ALG6: variants seen among roughly 807,000 people sequenced by gnomAD.
The protein encoded by ALG6 is dolichyl pyrophosphate Man9GlcNAc2 alpha-1,3-glucosyltransferase.
In ALG6, 46 loss-of-function variants were observed where a neutral mutation model predicts 66.6. The ratio of observed to expected loss-of-function variants is 0.69; its 90% CI spans 0.55 to 0.88. The LOEUF is 0.88. Among genes scored for constraint, ALG6 ranks in the 40% least tolerant of loss-of-function variants. The probability of loss-of-function intolerance (pLI) is 0.00; values close to 1 mark genes in which losing one functional copy is unlikely to be tolerated. For synonymous variants in ALG6, 185 were observed against 203.7 expected (o/e 0.91, Z 0.78); for missense variants, 505 against 586.8 (o/e 0.86, Z 1.44).
At chr1:63,422,188 AATAT>A (rs1184558449) in intron 12 of ALG6, among the ~76,000 whole-genome samples, 1 of 126,384 alleles carries the variant, frequency 7.9e-6, no homozygotes, top group Non-Finnish European at 1.6e-5. Flanking sequence ...TATTTATATA[AATAT>A]ATATCTATAT....
chr1:63,409,700 A>G (rs1435303253), intron 7 of ALG6, among the ~76,000 whole-genome samples: 2 of 151,930 alleles, frequency 1.3e-5, no homozygotes, highest in Non-Finnish European at 2.9e-5. Flanking sequence ...TTTTCTATAA[A>G]TGTTTATTTT....
At chr1:63,428,865 TA>T in intron 13 of ALG6, 62 bp from the exon 14 acceptor site, 1 of 1,587,922 alleles carries the variant, frequency 6.3e-7, no homozygotes. Context: ...AAAACTTTTT[TA>T]TGAAGTGGTT....
chr1:63,398,595 C>G (rs1040656581), intron 3 of ALG6, among the ~76,000 whole-genome samples: 13 of 152,302 alleles, frequency 8.5e-5, no homozygotes, highest in Non-Finnish European at 1.9e-4. Context: ...GCCTTAGCTT[C>G]CCGAGTAGCT....
At position 63,414,146 on chromosome 1, in the gene ALG6, G is replaced by A. The variant is rs1644530727; in HGVS notation, c.902G>A (p.Ser301Asn). The A allele has an allele frequency of 1.3e-6, 2 of 1,594,162 alleles. No homozygotes were observed. Among genetic ancestry groups the A allele is most frequent in the East Asian group, 2.2e-5 (1 of 44,672 alleles). The stretch of plus-strand genomic sequence containing the variant: ...CCACGTCACATCCAATTAATAATGA[G>A]GTAAGAGAAACAAAGTTTGTATGTA... ...ILPRHIQLIM[S>N]FCSTFLSLLP... The change falls in exon 10 of 15, where the codon AGC becomes AAC. Residue 301 changes from serine to asparagine, a missense_variant and splice_region_variant. Physicochemically the swap from Ser to Asn is conservative, Grantham distance 46. Transcript: ENST00000263440.
At chr1:63,427,859 T>C (rs1644624881) in intron 12 of ALG6, among the ~76,000 whole-genome samples, 1 of 144,076 alleles carries the variant, frequency 6.9e-6, no homozygotes, top group Non-Finnish European at 1.5e-5. Flanking sequence ...CAGGCTGGAG[T>C]GCAGTGGTGT....
chr1:63,432,408 TTGA>T (rs1346362396), intron 14 of ALG6, among the ~76,000 whole-genome samples: 3 of 152,242 alleles, frequency 2.0e-5, no homozygotes, highest in African/African-American at 7.2e-5. Context: ...CAGTATTCTG[TTGA>T]TGATTTTTGC....
chr1:63,386,389 T>G (rs757717754), intron 2 of ALG6, among the ~76,000 whole-genome samples: 1 of 152,164 alleles, frequency 6.6e-6, no homozygotes, highest in African/African-American at 2.4e-5. Flanking sequence ...AGGACTGATA[T>G]TAGGATTTTT....
chr1:63,428,770 T>G lies in ALG6; in HGVS notation c.1096T>G (p.Ser366Ala). ...AGTTTTAAGTGAAATTCCTTTTATG[T>G]CTACTTGGTTTTTACTTGTGTCAAC... The part of the protein sequence containing the change: ...CLVLSEIPFM[S>A]TWFLLVSTFS... The change falls in exon 13 of 15, where the codon TCT (serine) becomes GCT (alanine). Residue 366 changes from serine (S) to alanine (A), a missense_variant. Physicochemically the swap from Ser to Ala is moderately conservative, Grantham distance 99. Transcript: ENST00000263440. 6.2e-7 allele frequency: 1 copy of G among 1,609,830 alleles called. No homozygotes were observed. The highest frequency in any genetic ancestry group is 8.5e-7 in the Non-Finnish European group (1 of 1,177,280).
intron 11 of ALG6, among the ~76,000 whole-genome samples, chr1:63,416,382 G>T (rs1344838900): frequency 6.6e-6 from 1 of 151,908 alleles, no homozygotes; most frequent in Non-Finnish European, 1.5e-5. Context: ...TGAAAGTGGG[G>T]CAAGGTTAGA....
At chr1:63,410,042 C>T (rs1644508751) in intron 7 of ALG6, among the ~76,000 whole-genome samples, 1 of 152,132 alleles carries the variant, frequency 6.6e-6, no homozygotes, top group Admixed American at 6.5e-5. Flanking sequence ...ACATACTACT[C>T]AAAGACTGTA....
chr1:63,401,375 A>C (rs986277491), intron 3 of ALG6, among the ~76,000 whole-genome samples: 4 of 152,132 alleles, frequency 2.6e-5, no homozygotes, highest in Admixed American at 6.6e-5. Flanking sequence ...ACCCATTTGA[A>C]ATAAGTTAGG....
chr1:63,375,408 G>C, intron 2 of ALG6, among the ~76,000 whole-genome samples: 1 of 142,178 alleles, frequency 7.0e-6, no homozygotes, highest in African/African-American at 2.7e-5. Flanking sequence ...ACCACCCCCG[G>C]CATTTTTTTT....
At chr1:63,396,828 G>C (rs961399235) in intron 3 of ALG6, among the ~76,000 whole-genome samples, 7 of 152,206 alleles carry the variant, frequency 4.6e-5, no homozygotes, top group Admixed American at 4.6e-4. Context: ...CTAGAACGTT[G>C]ATGATAAAAC....
chr1:63,416,559 G>A (rs2100425624), intron 11 of ALG6, among the ~76,000 whole-genome samples: 1 of 152,166 alleles, frequency 6.6e-6, no homozygotes, highest in Non-Finnish European at 1.5e-5. Flanking sequence ...TGAAAGATAA[G>A]GGTAAAAATT....
intron 2 of ALG6, among the ~76,000 whole-genome samples, chr1:63,380,068 A>G (rs1239262894): frequency 6.6e-6 from 1 of 152,078 alleles, no homozygotes; most frequent in Non-Finnish European, 1.5e-5. Flanking sequence ...TCATCTCCAG[A>G]GAGAAGGGAG....
At chr1:63,427,600 T>G (rs370396584) in intron 12 of ALG6, among the ~76,000 whole-genome samples, 2 of 152,010 alleles carry the variant, frequency 1.3e-5, no homozygotes, top group Admixed American at 6.6e-5. Flanking sequence ...CATTTCCACT[T>G]AAGAAAATAG....
Position 63,415,919 on chromosome 1 carries a change from A to G in ALG6, c.949A>G (p.Ile317Val), listed in dbSNP as rs760529916. Residue 317 changes from isoleucine (I) to valine (V), a missense_variant, in exon 11 of 15, where the codon ATA becomes GTA. Physicochemically the swap from Ile to Val is conservative, Grantham distance 29 (BLOSUM62 3). Coordinates refer to ENST00000263440, the MANE Select transcript of ALG6 (RefSeq NM_013339.4). ...LSLLPACIKLILQPSSKGFKF... is the reference protein window; with the variant it reads ...LSLLPACIKLVLQPSSKGFKF... The stretch of plus-strand genomic sequence containing the variant: ...CCTGCTTCCTGCATGCATAAAATTA[A>G]TACTTCAGCCCTCTTCCAAAGGATT... The G allele has an allele frequency of 1.9e-6, 3 of 1,612,276 alleles. No individual in the cohort carries two copies. Among genetic ancestry groups the G allele is most frequent in the Non-Finnish European group, 2.5e-6 (3 of 1,178,692 alleles).
intron 2 of ALG6, 114 bp from the exon 3 acceptor site, chr1:63,396,399 G>C: frequency 2.3e-6 from 2 of 885,132 alleles, no homozygotes; most frequent in South Asian, 2.8e-5. Context: ...TAACTCCTGT[G>C]TTCTTTCTGT....
At position 63,370,995 on chromosome 1, in the gene ALG6, G is replaced by C. The variant is rs1378885402; in HGVS notation, c.18G>C (p.Leu6Phe). 4 of 1,608,924 alleles carry C rather than the reference G, an allele frequency of 2.5e-6. No homozygotes were observed. The highest frequency in any genetic ancestry group is 3.4e-6 in the Non-Finnish European group (4 of 1,175,408). Residue 6 changes from leucine (L) to phenylalanine (F), a missense_variant, in exon 2 of 15, where the codon TTG becomes TTC. Coordinates refer to ENST00000263440, the MANE Select transcript of ALG6 (RefSeq NM_013339.4). ...GAAGAACTATGGAGAAATGGTACTT[G>C]ATGACAGTAGTGGTTTTAATAGGAC... MEKWY[L>F]MTVVVLIGLT...
Sources: gnomAD v4.1 joint callset for allele counts (sites outside exome capture counted in the v4.1 genomes callset) on GRCh38, gnomAD v4.1.1 for gene constraint, MANE v1.5 for transcripts, NCBI Gene and HGNC (gene_info 2026-07-23, HGNC 2026-07-21) for gene names.